Variants in PHACTR4 observed in about 807,000 individuals in gnomAD.
PHACTR4 encodes protein phosphatase 1, regulatory subunit 124.
In PHACTR4, 51 loss-of-function variants were observed where a neutral mutation model predicts 72.7. The observed-to-expected ratio is 0.70, with a 90% CI of 0.56 to 0.89. PHACTR4 has a LOEUF of 0.89. Ranked by LOEUF, PHACTR4 falls within the 40% of genes least tolerant of loss-of-function variation. The probability of loss-of-function intolerance (pLI) is 0.00; values close to 1 mark genes in which losing one functional copy is unlikely to be tolerated. For synonymous variants in PHACTR4, 255 were observed against 302.5 expected (o/e 0.84, Z 1.63); for missense variants, 731 against 861.8 (o/e 0.85, Z 1.90).
rs866277821 is a variant in PHACTR4 at position 28,373,590 on chromosome 1, C to T, written c.-39+3765C>T. The stretch of plus-strand genomic sequence containing the variant: ...CAGGCGTCAGCCATCACGCCTGGCC[C>T]ATAATTTTATAATTTTTATAGAGAC... On this transcript the variant is annotated intron_variant, in intron 1 of 13. Coordinates refer to ENST00000373839, the MANE Select transcript of PHACTR4 (RefSeq NM_001048183.3). 4.6e-5 allele frequency among the ~76,000 whole-genome samples: 7 copies of T among 152,072 alleles called. No individual in the cohort carries two copies. The South Asian group carries it at 1.2e-3, about 27-fold the overall frequency.
chr1:28,435,269 A>AT (rs1484669472), intron 2 of PHACTR4, among the ~76,000 whole-genome samples: 1 of 151,352 alleles, frequency 6.6e-6, no homozygotes. Context: ...TGTATTAACA[A>AT]TTTTTTTTTC....
intron 12 of PHACTR4, among the ~76,000 whole-genome samples, chr1:28,492,642 C>T (rs1661106660): frequency 6.6e-6 from 1 of 151,614 alleles, no homozygotes; most frequent in Non-Finnish European, 1.5e-5. Context: ...CACCTGTAAT[C>T]CCAGCTATTC....
intron 9 of PHACTR4, among the ~76,000 whole-genome samples, chr1:28,488,250 C>T (rs557796249): frequency 6.6e-6 from 1 of 152,180 alleles, no homozygotes; most frequent in South Asian, 2.1e-4. Context: ...GTAATCCCAG[C>T]ACTTTGGGAG....
chr1:28,447,781 CTG>C (rs1657590443), intron 2 of PHACTR4, among the ~76,000 whole-genome samples: 1 of 152,100 alleles, frequency 6.6e-6, no homozygotes, highest in Non-Finnish European at 1.5e-5. Context: ...TCAGACATAA[CTG>C]TACCTGCAAG....
At chr1:28,386,509 G>A (rs1010964988) in intron 1 of PHACTR4, among the ~76,000 whole-genome samples, 1 of 152,118 alleles carries the variant, frequency 6.6e-6, no homozygotes, top group African/African-American at 2.4e-5. Flanking sequence ...ATCTAATAAT[G>A]TCAGTGGGGT....
Position 28,491,084 on chromosome 1 carries a change from C to T in PHACTR4, c.1878+72C>T, listed in dbSNP as rs185287075. Reference sequence around the variant, plus strand: ...TGGCCTATTTGATTGGAAATGAATTCACAGCTGGGCACAGTGGCTTGCGCC... The same window carrying T: ...TGGCCTATTTGATTGGAAATGAATTTACAGCTGGGCACAGTGGCTTGCGCC... On this transcript the variant is annotated intron_variant, in intron 11 of 13. Coordinates refer to ENST00000373839, the MANE Select transcript of PHACTR4 (RefSeq NM_001048183.3). 3.6e-5 allele frequency: 52 copies of T among 1,443,152 alleles called. No individual in the cohort carries two copies. In the African/African-American group the frequency reaches 5.2e-4, roughly 14 times the overall value. The allele number at this position is 1,443,152 out of a possible 1,614,324, so 89.4% of individuals were successfully genotyped here.
At chr1:28,401,220 G>A (rs1232035191) in intron 1 of PHACTR4, among the ~76,000 whole-genome samples, 5 of 151,246 alleles carry the variant, frequency 3.3e-5, no homozygotes, top group Admixed American at 1.3e-4. Flanking sequence ...AAGGCTGAAA[G>A]CAAGAAAGGA....
At chr1:28,369,890 A>G (rs1328477767) in intron 1 of PHACTR4, 65 bp downstream of exon 1, 2 of 411,536 alleles carry the variant, frequency 4.9e-6, no homozygotes, top group African/African-American at 2.2e-5. Flanking sequence ...GCCTCCTCTC[A>G]GGCTGCGGCC....
chr1:28,456,922 G>C (rs911846740), intron 2 of PHACTR4, among the ~76,000 whole-genome samples: 1 of 64,950 alleles, frequency 1.5e-5, no homozygotes. Flanking sequence ...GAGACAGATA[G>C]ATAGATAGAT....
intron 1 of PHACTR4, 134 bp downstream of exon 1, chr1:28,369,959 C>T (rs1355285764): frequency 8.7e-6 from 3 of 345,630 alleles, no homozygotes; most frequent in South Asian, 2.1e-5. Flanking sequence ...CCCGGGTCGC[C>T]GTCGCTTCGG....
chr1:28,431,925 T>C (rs1426833708), intron 2 of PHACTR4, among the ~76,000 whole-genome samples: 1 of 152,020 alleles, frequency 6.6e-6, no homozygotes, highest in East Asian at 1.9e-4. Context: ...GAAAATAATA[T>C]CTTGGCCGGG....
intron 4 of PHACTR4, among the ~76,000 whole-genome samples, chr1:28,461,736 AG>A (rs1658820597): frequency 6.6e-6 from 1 of 151,912 alleles, no homozygotes; most frequent in African/African-American, 2.4e-5. Context: ...TATGTTGCCC[AG>A]GCTAGTCTCA....
chr1:28,429,290 C>T (rs1028664160), intron 2 of PHACTR4, among the ~76,000 whole-genome samples: 5 of 152,170 alleles, frequency 3.3e-5, no homozygotes, highest in African/African-American at 1.2e-4. Context: ...GTATGTGAAG[C>T]TTCATATGAC....
chr1:28,385,564 A>G (rs1333063186), intron 1 of PHACTR4, among the ~76,000 whole-genome samples: 1 of 145,920 alleles, frequency 6.9e-6, no homozygotes, highest in Non-Finnish European at 1.5e-5. Context: ...AAAAAAAGTC[A>G]TTCAGGAGCA....
chr1:28,480,748 G>A, intron 9 of PHACTR4, 144 bp downstream of exon 9: 1 of 1,078,810 alleles, frequency 9.3e-7, no homozygotes, highest in South Asian at 1.5e-5. Flanking sequence ...TGGAGTAGTG[G>A]CGCGATCTCG....
intron 4 of PHACTR4, among the ~76,000 whole-genome samples, chr1:28,465,109 A>C (rs1659054887): frequency 1.3e-5 from 2 of 152,184 alleles, no homozygotes; most frequent in African/African-American, 4.8e-5. Context: ...CAGATAATCT[A>C]GATCTCAATA....
chr1:28,452,061 A>C (rs1569997623), intron 2 of PHACTR4, among the ~76,000 whole-genome samples: 2 of 152,300 alleles, frequency 1.3e-5, no homozygotes, highest in Admixed American at 1.3e-4. Context: ...GTGGCAAACT[A>C]GGAGAATATA....
At chr1:28,491,171 C>G (rs564984564) in intron 11 of PHACTR4, among the ~76,000 whole-genome samples, 159 bp downstream of exon 11, 46 of 146,844 alleles carry the variant, frequency 3.1e-4, no homozygotes, top group Admixed American at 8.9e-4. Context: ...GAGTTCAAGA[C>G]CAGCCTGGGG....
intron 1 of PHACTR4, among the ~76,000 whole-genome samples, chr1:28,371,422 G>A (rs533078835): frequency 3.9e-4 from 59 of 152,238 alleles, no homozygotes; most frequent in African/African-American, 1.3e-3. Flanking sequence ...AGCCTCCTGA[G>A]TAGCTGGGAT....
Sources: allele counts gnomAD v4.1 joint callset (sites outside exome capture counted in the v4.1 genomes callset), GRCh38; gene constraint gnomAD v4.1.1; transcripts MANE v1.5; gene names NCBI Gene and HGNC (gene_info 2026-07-23, HGNC 2026-07-21).